CNTNAP5: variants seen among roughly 807,000 people sequenced by gnomAD.
The protein encoded by CNTNAP5 is contactin associated protein family member 5, also known as contactin-associated protein-like 5.
A neutral mutation model predicts 150.2 loss-of-function variants in CNTNAP5; 72 were observed. The observed-to-expected ratio is 0.48, with a 90% CI of 0.40 to 0.58. CNTNAP5 has a LOEUF of 0.58. Among genes scored for constraint, CNTNAP5 ranks in the 20% least tolerant of loss-of-function variants. The probability of loss-of-function intolerance (pLI) is 0.00; values close to 1 mark genes in which losing one functional copy is unlikely to be tolerated. For missense variants in CNTNAP5, 1,636 were observed against 1,626.2 expected (o/e 1.01, Z -0.10); for synonymous variants, 672 against 619.8 (o/e 1.08, Z -1.25).
chr2:124,559,917 T>A (rs1251449028), intron 10 of CNTNAP5, among the ~76,000 whole-genome samples: 2 of 152,200 alleles, frequency 1.3e-5, no homozygotes, highest in Non-Finnish European at 2.9e-5. Flanking sequence ...CATTTATTAT[T>A]ATTTTTTCTT....
chr2:124,228,284 T>C (rs573051946), intron 2 of CNTNAP5, among the ~76,000 whole-genome samples: 2 of 152,270 alleles, frequency 1.3e-5, no homozygotes, highest in East Asian at 3.9e-4. Context: ...TTGTTCTATC[T>C]GGTCCCTCAA....
chr2:124,714,042 T>G (rs1558747328), intron 13 of CNTNAP5, among the ~76,000 whole-genome samples: 1 of 152,110 alleles, frequency 6.6e-6, no homozygotes, highest in African/African-American at 2.4e-5. Flanking sequence ...GCTCTTTTTT[T>G]CCCCCCAAAC....
intron 1 of CNTNAP5, among the ~76,000 whole-genome samples, chr2:124,126,653 T>A (rs1438140419): frequency 6.6e-6 from 1 of 151,776 alleles, no homozygotes; most frequent in East Asian, 1.9e-4. Flanking sequence ...CAACGCAAAA[T>A]TCCTTAATAA....
chr2:124,288,218 C>T (rs1433336005), intron 3 of CNTNAP5, among the ~76,000 whole-genome samples: 1 of 152,206 alleles, frequency 6.6e-6, no homozygotes, highest in Non-Finnish European at 1.5e-5. Context: ...ACATGAGCCA[C>T]TGCACCTGGC....
chr2:124,206,018 T>C (rs372942649), intron 1 of CNTNAP5, among the ~76,000 whole-genome samples: 2 of 152,234 alleles, frequency 1.3e-5, no homozygotes, highest in African/African-American at 4.8e-5. Flanking sequence ...CACATCTTGC[T>C]TTGCAGAGTA....
In CNTNAP5 at chr2:124,505,645, A is replaced by G. The variant is rs572298766; in HGVS notation, c.1327+1089A>G. 1.2e-4 allele frequency among the ~76,000 whole-genome samples: 18 copies of G among 152,222 alleles called. No homozygotes were observed. In the South Asian group the frequency reaches 2.1e-3, roughly 18 times the overall value. ...GTCGGTGAACAAATTGTATTTCTGG[A>G]TACCCTGGCTCCTCCAGCTGCTGTT... On this transcript the variant is annotated intron_variant, in intron 8 of 23. Transcript: ENST00000682447.
chr2:124,534,227 T>A (rs1370948321), intron 10 of CNTNAP5, among the ~76,000 whole-genome samples: 2 of 152,128 alleles, frequency 1.3e-5, no homozygotes, highest in Non-Finnish European at 2.9e-5. Flanking sequence ...ATAGGGGTCC[T>A]GATCCAAACC....
chr2:124,136,386 G>A (rs978417411), intron 1 of CNTNAP5, among the ~76,000 whole-genome samples: 7 of 152,102 alleles, frequency 4.6e-5, no homozygotes, highest in South Asian at 2.1e-4. Flanking sequence ...TTGGCCCATC[G>A]TAAGTTAAAA....
intron 10 of CNTNAP5, among the ~76,000 whole-genome samples, chr2:124,529,949 A>G (rs1695065605): frequency 6.6e-6 from 1 of 152,118 alleles, no homozygotes; most frequent in Admixed American, 6.6e-5. Flanking sequence ...GCTGGCCCCA[A>G]CCGGGCATCT....
intron 7 of CNTNAP5, among the ~76,000 whole-genome samples, chr2:124,485,304 C>T (rs539795548): frequency 2.5e-4 from 38 of 152,222 alleles, no homozygotes; most frequent in African/African-American, 8.7e-4. Flanking sequence ...GGCTGAGATT[C>T]AGACCTCTTC....
chr2:124,816,989 G>A (rs1682378281), intron 19 of CNTNAP5, among the ~76,000 whole-genome samples: 1 of 152,134 alleles, frequency 6.6e-6, no homozygotes, highest in Non-Finnish European at 1.5e-5. Flanking sequence ...TCTATGTGGG[G>A]TGTAAACATG....
chr2:124,248,673 A>T (rs1687088571), intron 3 of CNTNAP5, among the ~76,000 whole-genome samples: 1 of 152,200 alleles, frequency 6.6e-6, no homozygotes, highest in African/African-American at 2.4e-5. Flanking sequence ...TGTTTCAGAG[A>T]ATTTCCCAAC....
chr2:124,410,933 A>G (rs562978064), intron 3 of CNTNAP5, among the ~76,000 whole-genome samples: 1,996 of 152,170 alleles, frequency 0.013, 35 homozygotes, highest in African/African-American at 0.045. Context: ...AAATTAATGA[A>G]TCCAGGAGCT....
At chr2:124,153,035 A>G (rs969642288) in intron 1 of CNTNAP5, among the ~76,000 whole-genome samples, 4 of 152,304 alleles carry the variant, frequency 2.6e-5, no homozygotes, top group African/African-American at 9.6e-5. Flanking sequence ...TAACCAACCT[A>G]AAACTACCCT....
Position 124,905,631 on chromosome 2 carries a change from T to G in CNTNAP5, c.3655+2531T>G, listed in dbSNP as rs966783125. 4.6e-5 allele frequency among the ~76,000 whole-genome samples: 7 copies of G among 152,074 alleles called. No individual in the cohort carries two copies. The East Asian group carries it at 1.4e-3, about 29-fold the overall frequency. The stretch of plus-strand genomic sequence containing the variant: ...AGATGATTGCCTTTGAAAGAAAAGT[T>G]TATTTCTTACAGTTCTCAAGAAAAA... On this transcript the variant is annotated intron_variant, in intron 22 of 23. Coordinates refer to ENST00000682447, the MANE Select transcript of CNTNAP5 (RefSeq NM_001367498.1).
intron 18 of CNTNAP5, among the ~76,000 whole-genome samples, chr2:124,795,797 G>A (rs1320968655): frequency 6.6e-6 from 1 of 152,144 alleles, no homozygotes; most frequent in Admixed American, 6.6e-5. Context: ...GATTACAGGT[G>A]TGAGCCACTG....
intron 1 of CNTNAP5, among the ~76,000 whole-genome samples, chr2:124,052,886 T>G (rs572638594): frequency 6.6e-6 from 1 of 152,332 alleles, no homozygotes; most frequent in Non-Finnish European, 1.5e-5. Context: ...GTGCCCTCCT[T>G]TGCTAATGCC....
intron 12 of CNTNAP5, among the ~76,000 whole-genome samples, chr2:124,642,629 C>A (rs1307896259): frequency 6.6e-6 from 1 of 152,154 alleles, no homozygotes; most frequent in Admixed American, 6.5e-5. Context: ...CTCTGGAAAG[C>A]CCCTCTTCCT....
At chr2:124,860,472 C>T (rs373280078) in intron 19 of CNTNAP5, among the ~76,000 whole-genome samples, 28 of 86,414 alleles carry the variant, frequency 3.2e-4, no homozygotes, top group East Asian at 2.9e-3. Flanking sequence ...TCCTTCCTTC[C>T]TTCCTTCCTT....
Sources: gnomAD v4.1 joint callset for allele counts (sites outside exome capture counted in the v4.1 genomes callset) on GRCh38, gnomAD v4.1.1 for gene constraint, MANE v1.5 for transcripts, NCBI Gene and HGNC (gene_info 2026-07-23, HGNC 2026-07-21) for gene names.